ABCC9: variants seen among roughly 807,000 people sequenced by gnomAD.
ABCC9 encodes the protein ATP-binding cassette sub-family C member 9.
ABCC9 carries 95 observed loss-of-function variants against 188.3 expected under a neutral mutation model. The observed-to-expected ratio is 0.50, with a 90% CI of 0.43 to 0.60. ABCC9 has a LOEUF of 0.60. ABCC9 is among the 20% of genes least tolerant of loss of function. The pLI is 0.00. For synonymous variants in ABCC9, 659 were observed against 652.7 expected (o/e 1.01, Z -0.15); for missense variants, 1,102 against 1,876.3 (o/e 0.59, Z 7.62).
At chr12:21,936,000 T>C (rs1225717392) in intron 3 of ABCC9, among the ~76,000 whole-genome samples, 1 of 152,144 alleles carries the variant, frequency 6.6e-6, no homozygotes, top group Non-Finnish European at 1.5e-5. Context: ...ACCTCATCAC[T>C]CCCACTGTAA....
chr12:21,841,503 C>T (rs1019522006), intron 29 of ABCC9, among the ~76,000 whole-genome samples: 4 of 151,418 alleles, frequency 2.6e-5, no homozygotes, highest in Non-Finnish European at 5.9e-5. Flanking sequence ...GGATTACAGG[C>T]GGGTGCCACC....
rs748187916 is a variant in ABCC9, at chr12:21,882,889, A to G, written c.1912-16T>C. The stretch of plus-strand genomic sequence containing the variant: ...TTTTTGGCTGCTGCATTCCAAATGG[A>G]AAAGAACACAAGTTGAGGCTTTATT... On this transcript the variant is annotated splice_polypyrimidine_tract_variant and intron_variant, in intron 15 of 39. Transcript: ENST00000261200. 1.3e-6 allele frequency: 2 copies of G among 1,584,710 alleles called. No individual in the cohort carries two copies. The highest frequency in any genetic ancestry group is 1.7e-6 in the Non-Finnish European group (2 of 1,153,328).
At chr12:21,897,570 T>C in intron 12 of ABCC9, among the ~76,000 whole-genome samples, 1 of 152,204 alleles carries the variant, frequency 6.6e-6, no homozygotes, top group Non-Finnish European at 1.5e-5. Flanking sequence ...TAATAGCTCA[T>C]GTTACAGATG....
chr12:21,861,207 A>T, intron 20 of ABCC9, 152 bp from the exon 21 acceptor site: 1 of 699,214 alleles, frequency 1.4e-6, no homozygotes, highest in Non-Finnish European at 2.5e-6. Context: ...GGATACAAAG[A>T]TACATAAGTA....
At chr12:21,939,680 T>C (rs1438457982) in intron 2 of ABCC9, among the ~76,000 whole-genome samples, 1 of 152,118 alleles carries the variant, frequency 6.6e-6, no homozygotes, top group African/African-American at 2.4e-5. Flanking sequence ...TGGGGAGATA[T>C]AATGTTTCCC....
intron 14 of ABCC9, among the ~76,000 whole-genome samples, chr12:21,893,587 G>A (rs1190497061): frequency 6.6e-6 from 1 of 152,128 alleles, no homozygotes; most frequent in Admixed American, 6.5e-5. Flanking sequence ...CCCACTTCTA[G>A]AAATCCAACC....
At chr12:21,825,408 G>T (rs1281974963) in intron 31 of ABCC9, among the ~76,000 whole-genome samples, 2 of 152,140 alleles carry the variant, frequency 1.3e-5, no homozygotes, top group Admixed American at 1.3e-4. Context: ...GCCCATCAAT[G>T]ATAGACTGGA....
Position 21,861,002 on chromosome 12 carries a change from G to A in ABCC9, c.2393C>T (p.Pro798Leu). 1.2e-6 allele frequency: 2 copies of A among 1,613,480 alleles called. No homozygotes were observed. Among genetic ancestry groups the A allele is most frequent in the Non-Finnish European group, 1.7e-6 (2 of 1,179,732 alleles). Residue 798 changes from proline (P) to leucine (L), a missense_variant, in exon 21 of 40, where the codon CCA becomes CTA. Pro to Leu is a moderately conservative substitution (Grantham distance 98). Around this residue, in one of 12 missense-constraint regions of ABCC9, gnomAD observed 31 missense variants for 78.8 expected, o/e 0.39. Coordinates refer to ENST00000261200, the MANE Select transcript of ABCC9 (RefSeq NM_020297.4). Reference sequence around the variant, plus strand: ...TCCAATTTCAGTTTGATCTCCAAATGGTAATAAGTCAATATCTGGCTGAAG... The same window carrying A: ...TCCAATTTCAGTTTGATCTCCAAATAGTAATAAGTCAATATCTGGCTGAAG... ...CSLQPDIDLLPFGDQTEIGER... is the reference protein window; with the variant it reads ...CSLQPDIDLLLFGDQTEIGER...
At chr12:21,815,700 TA>T in intron 34 of ABCC9, 62 bp downstream of exon 34, 1 of 1,596,066 alleles carries the variant, frequency 6.3e-7, no homozygotes. Context: ...GCTTAGGTAG[TA>T]AAAAAGCAGA....
At chr12:21,925,570 T>C (rs1221730750) in intron 5 of ABCC9, 8 of 700,848 alleles carry the variant, frequency 1.1e-5, no homozygotes, top group African/African-American at 1.0e-4. Context: ...CTAGAGGAGA[T>C]GACTTGTTCA....
At chr12:21,928,414 A>C (rs2138020753) in intron 4 of ABCC9, among the ~76,000 whole-genome samples, 1 of 148,888 alleles carries the variant, frequency 6.7e-6, no homozygotes, top group African/African-American at 2.5e-5. Context: ...GGAGGAAGGA[A>C]GGAAAGAAGA....
At chr12:21,864,634 G>A (rs1190948324) in intron 18 of ABCC9, among the ~76,000 whole-genome samples, 157 bp from the exon 19 acceptor site, 1 of 152,146 alleles carries the variant, frequency 6.6e-6, no homozygotes, top group Non-Finnish European at 1.5e-5. Context: ...AACCAGATAA[G>A]TAGTATTCTT....
chr12:21,848,030 G>T, intron 25 of ABCC9, 120 bp downstream of exon 25: 3 of 804,172 alleles, frequency 3.7e-6, no homozygotes, highest in Middle Eastern at 2.3e-4. Context: ...AGTATTACTT[G>T]ATTTAATTTT....
chr12:21,814,952 G>A (rs952839528), intron 34 of ABCC9, among the ~76,000 whole-genome samples: 1 of 152,178 alleles, frequency 6.6e-6, no homozygotes, highest in African/African-American at 2.4e-5. Flanking sequence ...GGAGGCTGAG[G>A]CGGGTAGGTC....
intron 18 of ABCC9, among the ~76,000 whole-genome samples, chr12:21,864,769 A>T (rs985083559): frequency 3.3e-5 from 5 of 152,128 alleles, no homozygotes; most frequent in African/African-American, 9.7e-5. Context: ...CCCTGCTCCA[A>T]ACAGCTGTAA....
intron 39 of ABCC9, among the ~76,000 whole-genome samples, chr12:21,802,950 A>G (rs1941563079): frequency 6.6e-6 from 1 of 152,118 alleles, no homozygotes; most frequent in Non-Finnish European, 1.5e-5. Flanking sequence ...GAAATGTGAT[A>G]ATGATGCCAG....
chr12:21,842,533 CA>C (rs1944447496), intron 28 of ABCC9, 62 bp from the exon 29 acceptor site: 2 of 1,516,882 alleles, frequency 1.3e-6, no homozygotes. Context: ...TGCAATGTAA[CA>C]AAAATACCTA....
intron 7 of ABCC9, among the ~76,000 whole-genome samples, chr12:21,915,264 TATA>T (rs1948499226): frequency 9.6e-6 from 1 of 104,454 alleles, no homozygotes; most frequent in Admixed American, 1.1e-4. Context: ...TGTGTGTGTA[TATA>T]ATGTGTATAT....
chr12:21,887,619 A>T (rs958463635), intron 15 of ABCC9, among the ~76,000 whole-genome samples: 1 of 151,966 alleles, frequency 6.6e-6, no homozygotes, highest in African/African-American at 2.4e-5. Flanking sequence ...TCTTAGGATA[A>T]TTTTTTCTGG....
Sources: gnomAD v4.1 joint callset for allele counts (sites outside exome capture counted in the v4.1 genomes callset) on GRCh38, gnomAD v4.1.1 for gene constraint, gnomAD v4.1.1 regional missense constraint, MANE v1.5 for transcripts, NCBI Gene and HGNC (gene_info 2026-07-23, HGNC 2026-07-21) for gene names.